The following NBEAL2 variants were observed in gnomAD, a reference collection of about 807,000 sequenced individuals.
NBEAL2 encodes the protein neurobeachin like 2, also known as neurobeachin-like protein 2.
In NBEAL2, 160 loss-of-function variants were observed where a neutral mutation model predicts 299.8. The ratio of observed to expected loss-of-function variants is 0.53; its 90% confidence interval spans 0.47 to 0.61. The LOEUF is 0.61. Ranked by LOEUF, NBEAL2 falls within the 20% of genes least tolerant of loss-of-function variation. The pLI, the probability that NBEAL2 is intolerant of heterozygous loss-of-function variation, is 0.00. For missense variants in NBEAL2, 3,112 were observed against 3,649.0 expected (o/e 0.85, Z 3.79); for synonymous variants, 1,493 against 1,542.3 (o/e 0.97, Z 0.75).
At chr3:46,997,233 C>A in intron 18 of NBEAL2, 26 bp from the exon 19 acceptor site, 1 of 1,611,478 alleles carries the variant, frequency 6.2e-7, no homozygotes, top group African/African-American at 1.3e-5. Flanking sequence ...GGAAGGTCCC[C>A]CTCACTGCCA....
In NBEAL2 at chr3:47,003,432, C is replaced by G. The variant is rs917898396; in HGVS notation, c.5720+123C>G. The stretch of plus-strand genomic sequence containing the variant: ...TCTTCTGCTGCCCGACTACGTCCCC[C>G]TGAAGGGACTGTCCAAAGCCAGATG... On this transcript the variant is annotated intron_variant, in intron 35 of 53. Transcript: ENST00000450053. This position sits in a 1 kb window ranked among gnomAD's most constrained non-coding sequence, Gnocchi z 7.0. The G allele has an allele frequency of 1.5e-6, 2 of 1,367,788 alleles. No homozygotes were observed. Among genetic ancestry groups the G allele is most frequent in the Non-Finnish European group, 2.0e-6 (2 of 1,015,056 alleles). The allele number at this position is 1,367,788 out of a possible 1,614,324, so 84.7% of individuals were successfully genotyped here. A position where few individuals can be genotyped will look rare whatever the true frequency, so the allele number is the denominator to read the frequency against.
intron 1 of NBEAL2, among the ~76,000 whole-genome samples, chr3:46,985,147 G>A (rs900010094): frequency 1.3e-5 from 2 of 152,172 alleles, no homozygotes; most frequent in Non-Finnish European, 2.9e-5. Flanking sequence ...GCAGACCTGT[G>A]GGGGTAGAGA....
intron 1 of NBEAL2, among the ~76,000 whole-genome samples, chr3:46,987,213 A>G (rs1378186507): frequency 6.6e-6 from 1 of 152,212 alleles, no homozygotes; most frequent in Non-Finnish European, 1.5e-5. Context: ...CTGGGCCCAT[A>G]GGCTGCAAAA....
rs758633450 is a variant in NBEAL2, at chr3:47,001,701, G to A, written c.4657G>A (p.Val1553Ile). The A allele has an allele frequency of 1.2e-6, 2 of 1,613,688 alleles. No individual in the cohort carries two copies. The highest frequency in any genetic ancestry group is 2.2e-5 in the South Asian group (2 of 91,082). The change falls in exon 30 of 54, where the codon GTA (valine) becomes ATA (isoleucine). Residue 1553 changes from valine to isoleucine, a missense_variant. By Grantham distance (29) the Val-to-Ile change is conservative. This residue lies in a region of NBEAL2 where 2,243 missense variants were observed against 2,538.1 expected (regional missense o/e 0.88). Coordinates refer to ENST00000450053, the MANE Select transcript of NBEAL2 (RefSeq NM_015175.3). The surrounding 1 kb of genome is among the most constrained non-coding windows in gnomAD (Gnocchi z 6.1). ...TTTTCTGTGGCAGCTCTTTGAAGGT[G>A]TATGCAGCCTACTTGATCGCCTGGG... is the stretch of plus-strand genomic sequence containing the variant. ...ELWSEKLFEG[V>I]CSLLDRLGAW...
In NBEAL2 at chr3:46,995,706, G is replaced by T; in HGVS notation, c.1899-8G>T. 6.2e-7 allele frequency: 1 copy of T among 1,613,070 alleles called. No individual in the cohort carries two copies. Among genetic ancestry groups the T allele is most frequent in the Non-Finnish European group, 8.5e-7 (1 of 1,179,536 alleles). On this transcript the variant is annotated splice_region_variant and splice_polypyrimidine_tract_variant and intron_variant, in intron 13 of 53. Coordinates refer to ENST00000450053, the MANE Select transcript of NBEAL2 (RefSeq NM_015175.3). ...ACAAGCAGACATAACTGGCTTGCCT[G>T]CCCCCAGCTTCTTTACCAGCAGCGG...
chr3:46,999,650 C>T lies in NBEAL2; in HGVS notation c.3724C>T (p.Leu1242=). ...CCCAGATTGCCTGAACCTCTCAGAT[C>T]TGCTGGCTGTGGTACAGCTGTCCCT... ...LGADCLNLSD[L]LAVVQLSLQA... Residue 1242 remains leucine, a synonymous_variant, in exon 26 of 54, where the codon CTG becomes TTG. Transcript: ENST00000450053. 1 of 1,613,192 alleles carries T rather than the reference C, an allele frequency of 6.2e-7. No homozygotes were observed. The highest frequency in any genetic ancestry group is 8.5e-7 in the Non-Finnish European group (1 of 1,179,430).
At position 47,003,389 on chromosome 3, in the gene NBEAL2, A is replaced by C; in HGVS notation, c.5720+80A>C. The C allele has an allele frequency of 6.5e-7, 1 of 1,541,858 alleles. No homozygotes were observed. Among genetic ancestry groups the C allele is most frequent in the Non-Finnish European group, 8.8e-7 (1 of 1,141,508 alleles). On this transcript the variant is annotated intron_variant, in intron 35 of 53. Coordinates refer to ENST00000450053, the MANE Select transcript of NBEAL2 (RefSeq NM_015175.3). This position sits in a 1 kb window ranked among gnomAD's most constrained non-coding sequence, Gnocchi z 7.0. ...AGTGTGTGCATGCCTCTGTGGGATC[A>C]ACTCCCTGAGTGTGTCCTCTTCTGC...
Position 46,997,648 on chromosome 3 carries a change from T to C in NBEAL2, c.2912T>C (p.Leu971Pro). ...LQGHMVNQES[L>P]VQCQGPAIIG... ...GGTCACATGGTGAACCAAGAGAGCC[T>C]GGTGCAGTGCCAGGGGCCTGCCATC... Residue 971 changes from leucine (L) to proline (P), a missense_variant, in exon 20 of 54, where the codon CTG becomes CCG. Leu to Pro is a moderately conservative substitution (Grantham distance 98). This residue lies in a region of NBEAL2 where 2,243 missense variants were observed against 2,538.1 expected (regional missense o/e 0.88). Transcript: ENST00000450053. 2 of 1,586,862 alleles carry C rather than the reference T, an allele frequency of 1.3e-6. No individual in the cohort carries two copies. The highest frequency in any genetic ancestry group is 8.6e-7 in the Non-Finnish European group (1 of 1,162,036).
Position 46,995,707 on chromosome 3 carries a change from C to T in NBEAL2, c.1899-7C>T, listed in dbSNP as rs1559596028. ...CAAGCAGACATAACTGGCTTGCCTG[C>T]CCCCAGCTTCTTTACCAGCAGCGGC... On this transcript the variant is annotated splice_region_variant and splice_polypyrimidine_tract_variant and intron_variant, in intron 13 of 53. Coordinates refer to ENST00000450053, the MANE Select transcript of NBEAL2 (RefSeq NM_015175.3). The T allele has an allele frequency of 1.2e-6, 2 of 1,612,992 alleles. No individual in the cohort carries two copies. The highest frequency in any genetic ancestry group is 1.1e-5 in the South Asian group (1 of 91,006).
intron 18 of NBEAL2, 105 bp from the exon 19 acceptor site, chr3:46,997,154 T>C (rs1316780256): frequency 3.8e-6 from 6 of 1,562,474 alleles, no homozygotes; most frequent in Non-Finnish European, 5.2e-6. Flanking sequence ...ATTTGGACAG[T>C]CCAGCTCAAG....
In NBEAL2 at chr3:47,001,247, G is replaced by A. The variant is rs1474356576; in HGVS notation, c.4485-32G>A. The A allele has an allele frequency of 6.9e-6, 11 of 1,601,880 alleles. No homozygotes were observed. Among genetic ancestry groups the A allele is most frequent in the Non-Finnish European group, 8.5e-6 (10 of 1,171,336 alleles). On this transcript the variant is annotated intron_variant, in intron 28 of 53. Transcript: ENST00000450053. This position sits in a 1 kb window ranked among gnomAD's most constrained non-coding sequence, Gnocchi z 6.1. ...CGGGGGAAGGAGAGAAGATAGTCAG[G>A]TAGACCCTTGAGTTCCCCACTCACC...
At position 47,001,562 on chromosome 3, in the gene NBEAL2, G is replaced by A. The variant is rs1575613824; in HGVS notation, c.4644+124G>A. On this transcript the variant is annotated intron_variant, in intron 29 of 53. Transcript: ENST00000450053. This position sits in a 1 kb window ranked among gnomAD's most constrained non-coding sequence, Gnocchi z 6.1. Reference sequence around the variant, plus strand: ...TGTGGGTGCATCAGCATGAATGCCTGTGAGTGTGGACTTGCCTGTGTGCAC... The same window carrying A: ...TGTGGGTGCATCAGCATGAATGCCTATGAGTGTGGACTTGCCTGTGTGCAC... The A allele has an allele frequency of 7.7e-6, 12 of 1,558,024 alleles. No individual in the cohort carries two copies. In the South Asian group the frequency reaches 1.3e-4, roughly 16 times the overall value.
intron 1 of NBEAL2, among the ~76,000 whole-genome samples, chr3:46,985,815 G>A (rs1454971828): frequency 2.0e-5 from 3 of 152,182 alleles, no homozygotes; most frequent in East Asian, 1.9e-4. Context: ...TCCCTGACCC[G>A]TGTTCCTGCT....
Position 47,002,189 on chromosome 3 carries a change from A to G in NBEAL2, c.5052A>G (p.Gly1684=). The G allele has an allele frequency of 6.6e-7, 1 of 1,524,792 alleles. No individual in the cohort carries two copies. Among genetic ancestry groups the G allele is most frequent in the Non-Finnish European group, 8.8e-7 (1 of 1,131,574 alleles). 94.5% of individuals were successfully genotyped at this position (1,524,792 alleles called of 1,614,324 possible). The part of the protein sequence containing the change: ...RAYEPLGLQW[G]LPSLPPTNGS... Reference sequence around the variant, plus strand: ...ATGAGCCGCTGGGGCTGCAGTGGGGACTGCCCTCCCTGCCACCCACCAATG... The same window carrying G: ...ATGAGCCGCTGGGGCTGCAGTGGGGGCTGCCCTCCCTGCCACCCACCAATG... Residue 1684 remains glycine, a synonymous_variant, in exon 31 of 54, where the codon GGA becomes GGG. Coordinates refer to ENST00000450053, the MANE Select transcript of NBEAL2 (RefSeq NM_015175.3).
At chr3:46,993,486 G>A (rs1008448802) in intron 10 of NBEAL2, among the ~76,000 whole-genome samples, 1 of 152,180 alleles carries the variant, frequency 6.6e-6, no homozygotes, top group African/African-American at 2.4e-5. Flanking sequence ...TAAAGGTCTC[G>A]AAGGTTCTTC....
chr3:47,007,731 C>T (rs1380673870), intron 48 of NBEAL2, 34 bp downstream of exon 48: 6 of 1,608,870 alleles, frequency 3.7e-6, no homozygotes, highest in Non-Finnish European at 5.1e-6. Context: ...GAGAATGAGG[C>T]ACACAGGTAT....
rs764152688 is a variant in NBEAL2, at chr3:46,995,645, C to T, written c.1898+12C>T. On this transcript the variant is annotated intron_variant, in intron 13 of 53. Transcript: ENST00000450053. ...AAGCAGCTGTACAGGTGGGTGACTG[C>T]CAGGGGCCAGGGACCTCCTGCCAGG... is the stretch of plus-strand genomic sequence containing the variant. 4 of 1,608,698 alleles carry T rather than the reference C, an allele frequency of 2.5e-6. No individual in the cohort carries two copies. The East Asian group carries it at 8.9e-5, about 36-fold the overall frequency.
chr3:46,990,650 C>T (rs1005067120), intron 6 of NBEAL2, among the ~76,000 whole-genome samples: 4 of 152,258 alleles, frequency 2.6e-5, no homozygotes, highest in Non-Finnish European at 5.9e-5. Flanking sequence ...CCCTTCTGCC[C>T]TCTGAGTTTC....
chr3:47,007,828 G>C lies in NBEAL2; in HGVS notation c.7520G>C (p.Cys2507Ser). Residue 2507 changes from cysteine (C) to serine (S), a missense_variant, in exon 49 of 54, where the codon TGC becomes TCC. Cys to Ser is a moderately radical substitution (Grantham distance 112). Around this residue, in one of 3 missense-constraint regions of NBEAL2, gnomAD observed 348 missense variants for 381.4 expected, o/e 0.91. Transcript: ENST00000450053. ...CCTTCCCATGCAGATGTAGTAACCT[G>C]CCTTGCACTGGACACCTGTGGCATC... ...QLSCHLDVVT[C>S]LALDTCGIYL... 6.2e-7 allele frequency: 1 copy of C among 1,613,472 alleles called. No individual in the cohort carries two copies.
Sources: allele counts gnomAD v4.1 joint callset (sites outside exome capture counted in the v4.1 genomes callset), GRCh38; gene constraint gnomAD v4.1.1; regional missense constraint gnomAD v4.1.1; non-coding constraint Gnocchi (gnomAD v3.1); transcripts MANE v1.5; gene names NCBI Gene and HGNC (gene_info 2026-07-23, HGNC 2026-07-21).